CACNA1H: variants seen among roughly 807,000 people sequenced by gnomAD.
The protein encoded by CACNA1H is calcium voltage-gated channel subunit alpha1 H.
In CACNA1H, 149 loss-of-function variants were observed where a neutral mutation model predicts 192.5. That is an observed-to-expected ratio of 0.77 (90% confidence interval 0.68 to 0.89). The LOEUF (loss-of-function observed/expected upper bound fraction) is 0.89, where lower values mean the gene tolerates loss of function less well. Ranked by LOEUF, CACNA1H falls within the 40% of genes least tolerant of loss-of-function variation. The pLI is 0.00. For synonymous variants in CACNA1H, 2,202 were observed against 1,475.2 expected, an observed-to-expected ratio of 1.49 and a Z score of -11.29; for missense variants, 4,257 against 3,423.5, an observed-to-expected ratio of 1.24 and a Z score of -6.08.
chr16:1,202,546 A>G (rs1168803017), intron 9 of CACNA1H, 94 bp downstream of exon 9: 13 of 1,113,472 alleles, frequency 1.2e-5, no homozygotes, highest in African/African-American at 3.1e-5. Context: ...CATTGTGGGC[A>G]CTCTGATGAG....
At chr16:1,208,256 C>G in intron 16 of CACNA1H, 35 bp downstream of exon 16, 1 of 1,483,728 alleles carries the variant, frequency 6.7e-7, no homozygotes, top group Non-Finnish European at 9.1e-7. Context: ...TCTCAGGCCC[C>G]TTCAGGTTTT....
intron 2 of CACNA1H, among the ~76,000 whole-genome samples, chr16:1,183,781 C>G (rs559782210): frequency 6.6e-6 from 1 of 152,360 alleles, no homozygotes; most frequent in African/African-American, 2.4e-5. Flanking sequence ...CGGGTGAGCA[C>G]GTGACCTGGC....
At chr16:1,214,216 G>C (rs1036484863) in intron 27 of CACNA1H, among the ~76,000 whole-genome samples, 1 of 151,920 alleles carries the variant, frequency 6.6e-6, no homozygotes, top group African/African-American at 2.4e-5. Context: ...GTGAGCATCC[G>C]ACCCATGGGG....
chr16:1,207,915 G>C, intron 15 of CACNA1H, 55 bp downstream of exon 15: 1 of 1,543,076 alleles, frequency 6.5e-7, no homozygotes, highest in Non-Finnish European at 8.8e-7. Context: ...CGCTGGGCTG[G>C]CCGGGCAGGG....
At chr16:1,154,982 G>C (rs377037892) in intron 2 of CACNA1H, among the ~76,000 whole-genome samples, 4 of 152,192 alleles carry the variant, frequency 2.6e-5, no homozygotes, top group South Asian at 2.1e-4. Context: ...CTTCTGCTCC[G>C]GGCCTGGGGA....
intron 9 of CACNA1H, among the ~76,000 whole-genome samples, chr16:1,202,681 T>A (rs1485155888): frequency 6.6e-6 from 1 of 151,264 alleles, no homozygotes; most frequent in Non-Finnish European, 1.5e-5. Context: ...ATGGCAGGAG[T>A]GGTAGCCGCG....
intron 2 of CACNA1H, among the ~76,000 whole-genome samples, chr16:1,177,792 C>T (rs990490347): frequency 6.6e-6 from 1 of 151,894 alleles, no homozygotes; most frequent in Non-Finnish European, 1.5e-5. Context: ...AGGGGTCTCT[C>T]GGGGTCCTTG....
chr16:1,213,961 G>T (rs1969764295), intron 27 of CACNA1H, 30 bp downstream of exon 27: 4 of 1,578,506 alleles, frequency 2.5e-6, no homozygotes, highest in Non-Finnish European at 3.4e-6. Flanking sequence ...GAGGGGCCCA[G>T]GGGCTGGGGC....
intron 6 of CACNA1H, among the ~76,000 whole-genome samples, chr16:1,199,998 C>G (rs962182844): frequency 6.6e-6 from 1 of 152,120 alleles, no homozygotes; most frequent in African/African-American, 2.4e-5. Context: ...TGGACTTGGG[C>G]TGAGGAGAGT....
Position 1,204,123 on chromosome 16 carries a change from G to A in CACNA1H, c.2116G>A (p.Ala706Thr), listed in dbSNP as rs765526204. 3.1e-6 allele frequency: 5 copies of A among 1,612,268 alleles called. No homozygotes were observed. The highest frequency in any genetic ancestry group is 2.2e-5 in the East Asian group (1 of 44,876). Reference sequence around the variant, plus strand: ...GAAGAGCTGCCCGTACTGCACCCGTGCCCTGGAGGACCCGGAGGGTGAGCT... The same window carrying A: ...GAAGAGCTGCCCGTACTGCACCCGTACCCTGGAGGACCCGGAGGGTGAGCT... Reference protein sequence around the residue: ...ELKSCPYCTRALEDPEGELSG... With the variant: ...ELKSCPYCTRTLEDPEGELSG... The change falls in exon 10 of 35, where the codon GCC becomes ACC. Residue 706 changes from alanine to threonine, a missense_variant. Physicochemically the swap from Ala to Thr is moderately conservative, Grantham distance 58. Coordinates refer to ENST00000348261, the MANE Select transcript of CACNA1H (RefSeq NM_021098.3).
At position 1,199,733 on chromosome 16, in the gene CACNA1H, C is replaced by A. The variant is rs145988158; in HGVS notation, c.804-523C>A. Among the ~76,000 whole-genome samples, 24 of 151,096 alleles carry A rather than the reference C, an allele frequency of 1.6e-4. No individual in the cohort carries two copies. The East Asian group carries it at 4.8e-3, about 30-fold the overall frequency. On this transcript the variant is annotated intron_variant, in intron 6 of 34. Coordinates refer to ENST00000348261, the MANE Select transcript of CACNA1H (RefSeq NM_021098.3). ...CCCCTCAGCCTTCACCCCAGGGTCC[C>A]CTGAGCCCACACCCCGGGGTTCCCT...
chr16:1,205,209 T>C lies in CACNA1H; in HGVS notation c.2547T>C (p.Pro849=), dbSNP rs1242284062. ...TGCTGAAGCTGCTGGCCTGCGGCCC[T>C]CTGGGCTACATCCGGAACCCGTACA... is the stretch of plus-strand genomic sequence containing the variant. ...EMLLKLLACG[P]LGYIRNPYNI... The change falls in exon 11 of 35, where the codon CCT becomes CCC. Residue 849 remains proline, a synonymous_variant. Coordinates refer to ENST00000348261, the MANE Select transcript of CACNA1H (RefSeq NM_021098.3). 7.4e-6 allele frequency: 12 copies of C among 1,613,060 alleles called. No homozygotes were observed. The highest frequency in any genetic ancestry group is 1.0e-5 in the Non-Finnish European group (12 of 1,179,770).
At chr16:1,209,950 G>T in intron 17 of CACNA1H, 85 bp from the exon 18 acceptor site, 1 of 976,890 alleles carries the variant, frequency 1.0e-6, no homozygotes, top group South Asian at 1.4e-5. Flanking sequence ...TGCTGGGAGG[G>T]GTGGCCGAGC....
Position 1,180,524 on chromosome 16 carries a change from C to T in CACNA1H, c.300-14448C>T, listed in dbSNP as rs1377646336. 1.3e-5 allele frequency among the ~76,000 whole-genome samples: 2 copies of T among 152,158 alleles called. No homozygotes were observed. Among genetic ancestry groups the T allele is most frequent in the African/African-American group, 4.8e-5 (2 of 41,440 alleles). ...GCGTCCCCATACCCCCTCCGAGGCA[C>T]AGCCACAGTCTCTGGGTCCTGAGCA... On this transcript the variant is annotated intron_variant, in intron 2 of 34. Coordinates refer to ENST00000348261, the MANE Select transcript of CACNA1H (RefSeq NM_021098.3). This position sits in a 1 kb window ranked among gnomAD's most constrained non-coding sequence, Gnocchi z 4.4.
intron 2 of CACNA1H, among the ~76,000 whole-genome samples, chr16:1,168,077 G>A (rs531410716): frequency 7.9e-5 from 12 of 152,266 alleles, no homozygotes; most frequent in East Asian, 5.8e-4. Flanking sequence ...AGATGTTTTC[G>A]GAAGGGGTGC....
intron 2 of CACNA1H, among the ~76,000 whole-genome samples, chr16:1,187,620 C>T (rs947611137): frequency 1.3e-5 from 2 of 152,200 alleles, no homozygotes; most frequent in Non-Finnish European, 2.9e-5. Flanking sequence ...AGAGCTCTGC[C>T]ACCCCGGCAC....
chr16:1,219,000 C>T lies in CACNA1H; in HGVS notation c.5918C>T (p.Ala1973Val), dbSNP rs959958557. 2 of 1,550,192 alleles carry T rather than the reference C, an allele frequency of 1.3e-6. No homozygotes were observed. Among genetic ancestry groups the T allele is most frequent in the African/African-American group, 1.4e-5 (1 of 73,024 alleles). The change falls in exon 34 of 35, where the codon GCA (alanine) becomes GTA (valine). Residue 1973 changes from alanine (A) to valine (V), a missense_variant. Physicochemically the swap from Ala to Val is moderately conservative, Grantham distance 64. Coordinates refer to ENST00000348261, the MANE Select transcript of CACNA1H (RefSeq NM_021098.3). ...GSVASVHSPP[A>V]ESCASLQIPL... ...GTTGCCTCTGTGCACTCTCCGCCCG[C>T]AGAGTCCTGTGCCTCCCTCCAGATC...
intron 2 of CACNA1H, among the ~76,000 whole-genome samples, chr16:1,194,383 T>A (rs1245118354): frequency 6.6e-6 from 1 of 152,144 alleles, no homozygotes; most frequent in East Asian, 1.9e-4. Flanking sequence ...TGCCTCTCCC[T>A]CCTTCCTCTG....
rs536217721 is a variant in CACNA1H, at chr16:1,172,149, C to A, written c.299+18113C>A. Among the ~76,000 whole-genome samples, 45 of 152,326 alleles carry A rather than the reference C, an allele frequency of 3.0e-4. 1 individual carries two copies. Among genetic ancestry groups the A allele is most frequent in the Admixed American group, 2.0e-3 (31 of 15,306 alleles). Reference sequence around the variant, plus strand: ...GCCCCGGGCCGCAGGGCGTGGGCCGCACACGGTGGGTGTCAGGGGCGAGAG... The same window carrying A: ...GCCCCGGGCCGCAGGGCGTGGGCCGAACACGGTGGGTGTCAGGGGCGAGAG... On this transcript the variant is annotated intron_variant, in intron 2 of 34. Coordinates refer to ENST00000348261, the MANE Select transcript of CACNA1H (RefSeq NM_021098.3).
Sources: allele counts gnomAD v4.1 joint callset (sites outside exome capture counted in the v4.1 genomes callset), GRCh38; gene constraint gnomAD v4.1.1; non-coding constraint Gnocchi (gnomAD v3.1); transcripts MANE v1.5; gene names NCBI Gene and HGNC (gene_info 2026-07-23, HGNC 2026-07-21).